ARIH1: variants seen among roughly 807,000 people sequenced by gnomAD.
ARIH1 encodes the protein E3 ubiquitin-protein ligase ARIH1.
A neutral mutation model predicts 85.0 loss-of-function variants in ARIH1; 8 were observed. The observed-to-expected ratio is 0.09, with a 90% CI of 0.06 to 0.17. The LOEUF (loss-of-function observed/expected upper bound fraction) is 0.17. Among genes scored for constraint, ARIH1 ranks in the 10% least tolerant of loss-of-function variants. The pLI, the probability that ARIH1 is intolerant of heterozygous loss-of-function variation, is 1.00. For synonymous variants in ARIH1, 238 were observed against 253.6 expected, an observed-to-expected ratio of 0.94 and a Z score of 0.59; for missense variants, 311 against 718.1, an observed-to-expected ratio of 0.43 and a Z score of 6.48.
At chr15:72,562,574 T>C (rs11072376) in intron 6 of ARIH1, among the ~76,000 whole-genome samples, 116,932 of 151,186 alleles carry the variant, frequency 0.77, 51,468 homozygotes, top group Non-Finnish European at 0.97. Flanking sequence ...ATGCAATCTT[T>C]GCCTGTGGTT....
chr15:72,481,384 G>A (rs2063816110), intron 1 of ARIH1, among the ~76,000 whole-genome samples: 1 of 152,072 alleles, frequency 6.6e-6, no homozygotes. Context: ...TACAGAGGTG[G>A]GTTAATGAGG....
At chr15:72,481,376 C>A (rs908990579) in intron 1 of ARIH1, among the ~76,000 whole-genome samples, 1 of 152,110 alleles carries the variant, frequency 6.6e-6, no homozygotes, top group African/African-American at 2.4e-5. Flanking sequence ...TAGATTACTA[C>A]AGAGGTGGGT....
At chr15:72,576,921 C>T (rs1595874602) in intron 11 of ARIH1, among the ~76,000 whole-genome samples, 1 of 152,186 alleles carries the variant, frequency 6.6e-6, no homozygotes, top group South Asian at 2.1e-4. Context: ...AGAAGCCTTA[C>T]CGATAACATA....
chr15:72,531,108 A>G (rs891520888), intron 2 of ARIH1, among the ~76,000 whole-genome samples: 1 of 152,212 alleles, frequency 6.6e-6, no homozygotes, highest in African/African-American at 2.4e-5. Flanking sequence ...ATCTGGATGC[A>G]TCTTTCAATT....
intron 1 of ARIH1, among the ~76,000 whole-genome samples, chr15:72,477,145 A>G (rs1289026882): frequency 2.0e-5 from 3 of 152,162 alleles, no homozygotes; most frequent in African/African-American, 4.8e-5. Flanking sequence ...AGTTTTCCCA[A>G]CCAGTGTTTG....
At chr15:72,513,787 CT>C (rs1567343699) in intron 1 of ARIH1, among the ~76,000 whole-genome samples, 2 of 8,730 alleles carry the variant, frequency 2.3e-4, no homozygotes, top group Non-Finnish European at 1.7e-3. Flanking sequence ...CTCTCCCTCC[CT>C]CCCCCTCTCC....
At position 72,576,980 on chromosome 15, in the gene ARIH1, C is replaced by CT. The variant is rs1041267961; in HGVS notation, c.1216-3739dup. ...GTTACATGTTTTATTATACTGTGTG[C>CT]TTTTTTTTTTTTCTTTTTTTGAGAC... On this transcript the variant is annotated intron_variant, in intron 11 of 13. Coordinates refer to ENST00000379887, the MANE Select transcript of ARIH1 (RefSeq NM_005744.5). Among the ~76,000 whole-genome samples the CT allele has an allele frequency of 2.0e-3, 286 of 144,466 alleles. 1 individual carries two copies. Among genetic ancestry groups the CT allele is most frequent in the East Asian group, 9.0e-3 (45 of 4,984 alleles). 94.8% of individuals were successfully genotyped at this position (144,466 alleles called of 152,430 possible).
intron 1 of ARIH1, among the ~76,000 whole-genome samples, chr15:72,495,364 A>G (rs1018737343): frequency 6.6e-6 from 1 of 152,178 alleles, no homozygotes; most frequent in African/African-American, 2.4e-5. Context: ...ATTTCATGGT[A>G]TATCTCAAGT....
chr15:72,523,516 G>GTTT (rs61473982), intron 2 of ARIH1, among the ~76,000 whole-genome samples: 11 of 146,238 alleles, frequency 7.5e-5, no homozygotes, highest in East Asian at 2.0e-4. Context: ...CAACAGCACA[G>GTTT]TTTTTTTTTT....
chr15:72,486,372 A>T (rs2063837470), intron 1 of ARIH1, among the ~76,000 whole-genome samples: 1 of 152,214 alleles, frequency 6.6e-6, no homozygotes, highest in Non-Finnish European at 1.5e-5. Flanking sequence ...CAGTATATAG[A>T]CTACCTACCT....
intron 1 of ARIH1, among the ~76,000 whole-genome samples, chr15:72,500,196 C>T (rs944353138): frequency 5.3e-5 from 8 of 151,746 alleles, no homozygotes; most frequent in African/African-American, 1.2e-4. Context: ...TGTGTTCAAG[C>T]GATTTCTCCT....
intron 1 of ARIH1, among the ~76,000 whole-genome samples, chr15:72,500,240 G>A (rs888062544): frequency 9.9e-5 from 15 of 151,848 alleles, no homozygotes; most frequent in African/African-American, 2.9e-4. Context: ...GACTACAGGC[G>A]CACACCACCA....
At chr15:72,570,966 C>T (rs977100917) in intron 10 of ARIH1, among the ~76,000 whole-genome samples, 1 of 151,684 alleles carries the variant, frequency 6.6e-6, no homozygotes, top group African/African-American at 2.4e-5. Context: ...CCCGTCTCTA[C>T]TAAAAATACA....
chr15:72,523,821 C>G (rs1431849872), intron 2 of ARIH1, among the ~76,000 whole-genome samples: 3 of 139,788 alleles, frequency 2.1e-5, no homozygotes, highest in Non-Finnish European at 4.6e-5. Flanking sequence ...TTTTTTTTTT[C>G]TTTTAAAGGG....
At chr15:72,515,643 A>G (rs1433297815) in intron 1 of ARIH1, among the ~76,000 whole-genome samples, 1 of 152,200 alleles carries the variant, frequency 6.6e-6, no homozygotes. Flanking sequence ...TTACATAGGC[A>G]GTGGTTCCAT....
In ARIH1 at chr15:72,474,563, A is replaced by G. The variant is rs992583372; in HGVS notation, c.-77A>G. On this transcript the variant is annotated 5_prime_UTR_variant, in exon 1 of 14. Transcript: ENST00000379887. ...GCGTCCGGACATCAGCCGGAGCCGG[A>G]GCGAGAGCCGGGGCCTCGGCGTCCC... 8.9e-6 allele frequency: 13 copies of G among 1,459,104 alleles called. No individual in the cohort carries two copies. Among genetic ancestry groups the G allele is most frequent in the Non-Finnish European group, 1.2e-5 (13 of 1,107,288 alleles). 90.4% of individuals were successfully genotyped at this position (1,459,104 alleles called of 1,614,324 possible).
At chr15:72,515,681 C>T (rs1486540765) in intron 1 of ARIH1, among the ~76,000 whole-genome samples, 1 of 152,114 alleles carries the variant, frequency 6.6e-6, no homozygotes, top group Non-Finnish European at 1.5e-5. Flanking sequence ...AAGTCTTTGC[C>T]ATGTTGTTTG....
intron 1 of ARIH1, among the ~76,000 whole-genome samples, chr15:72,491,721 G>A (rs1229930418): frequency 2.0e-5 from 3 of 151,904 alleles, no homozygotes; most frequent in East Asian, 3.9e-4. Context: ...GTTATCTTAC[G>A]GAACTTTAGT....
intron 1 of ARIH1, among the ~76,000 whole-genome samples, chr15:72,485,016 A>G (rs1397286557): frequency 3.9e-5 from 6 of 152,102 alleles, no homozygotes; most frequent in Non-Finnish European, 8.8e-5. Flanking sequence ...TGTTTTCTAT[A>G]GTGGTTGTAC....
Sources: allele counts gnomAD v4.1 joint callset (sites outside exome capture counted in the v4.1 genomes callset), GRCh38; gene constraint gnomAD v4.1.1; transcripts MANE v1.5; gene names NCBI Gene and HGNC (gene_info 2026-07-23, HGNC 2026-07-21).